Variants in SORCS1 observed in about 807,000 individuals in gnomAD.
The protein encoded by SORCS1 is VPS10 domain-containing receptor SorCS1.
In SORCS1, 60 loss-of-function variants were observed where a neutral mutation model predicts 146.1. That is an observed-to-expected ratio of 0.41 (90% CI 0.33 to 0.51). The LOEUF (loss-of-function observed/expected upper bound fraction) is 0.51, where lower values mean the gene tolerates loss of function less well. Among genes scored for constraint, SORCS1 ranks in the 20% least tolerant of loss-of-function variants. The pLI, the probability that SORCS1 is intolerant of heterozygous loss-of-function variation, is 0.21. For synonymous variants in SORCS1, 637 were observed against 584.0 expected (o/e 1.09, Z -1.31); for missense variants, 1,352 against 1,487.6 (o/e 0.91, Z 1.50).
intron 1 of SORCS1, among the ~76,000 whole-genome samples, chr10:106,986,948 T>A (rs1327777987): frequency 6.6e-6 from 1 of 152,240 alleles, no homozygotes; most frequent in African/African-American, 2.4e-5. Flanking sequence ...CTGGGCTATC[T>A]TCAGGTTGGT....
chr10:107,063,770 C>G (rs1261933152), intron 1 of SORCS1, among the ~76,000 whole-genome samples: 1 of 152,170 alleles, frequency 6.6e-6, no homozygotes, highest in African/African-American at 2.4e-5. Flanking sequence ...ATTGTGACAT[C>G]AATCCTTAGC....
chr10:107,064,132 T>C (rs1357549482), intron 1 of SORCS1, among the ~76,000 whole-genome samples: 7 of 152,228 alleles, frequency 4.6e-5, no homozygotes, highest in Admixed American at 6.5e-5. Flanking sequence ...AATTTTCCTT[T>C]TGAAAGGAGT....
intron 2 of SORCS1, among the ~76,000 whole-genome samples, chr10:106,902,367 ATAT>A (rs1375178879): frequency 2.6e-5 from 4 of 152,156 alleles, no homozygotes; most frequent in African/African-American, 7.2e-5. Flanking sequence ...AATTATCAAA[ATAT>A]TATTTATAAT....
chr10:106,838,115 A>C (rs1465802949), intron 2 of SORCS1, among the ~76,000 whole-genome samples: 1 of 152,178 alleles, frequency 6.6e-6, no homozygotes, highest in Non-Finnish European at 1.5e-5. Context: ...TGTGTTACCC[A>C]GTGGACTTCC....
At chr10:106,745,052 A>C (rs1330197837) in intron 5 of SORCS1, among the ~76,000 whole-genome samples, 1 of 152,226 alleles carries the variant, frequency 6.6e-6, no homozygotes, top group Non-Finnish European at 1.5e-5. Context: ...TTAGTAGGTC[A>C]ACAGGGATCC....
intron 1 of SORCS1, among the ~76,000 whole-genome samples, chr10:107,020,712 AC>A (rs1460308335): frequency 6.6e-6 from 1 of 152,132 alleles, no homozygotes; most frequent in Non-Finnish European, 1.5e-5. Flanking sequence ...CAAGAAACAG[AC>A]CTTTCTAAAG....
At chr10:106,875,170 T>C (rs528974988) in intron 2 of SORCS1, among the ~76,000 whole-genome samples, 157 of 152,254 alleles carry the variant, frequency 1.0e-3, no homozygotes, top group African/African-American at 3.6e-3. Context: ...ATGTCTTTGC[T>C]TACTCATAGC....
chr10:107,122,337 C>T (rs980008765), intron 1 of SORCS1, among the ~76,000 whole-genome samples: 7 of 152,176 alleles, frequency 4.6e-5, no homozygotes, highest in Non-Finnish European at 1.0e-4. Flanking sequence ...TTCCTTCCTT[C>T]TTTTCCCATT....
chr10:106,589,150 C>A (rs184487170), intron 24 of SORCS1, among the ~76,000 whole-genome samples: 1 of 152,310 alleles, frequency 6.6e-6, no homozygotes, highest in East Asian at 1.9e-4. Context: ...TCCCACCATC[C>A]AAATTGCAGT....
intron 23 of SORCS1, among the ~76,000 whole-genome samples, chr10:106,604,533 T>G (rs1260883087): frequency 6.6e-6 from 1 of 152,210 alleles, no homozygotes; most frequent in Non-Finnish European, 1.5e-5. Context: ...AGTCCTGGAA[T>G]AGGCTGATAC....
At chr10:106,677,545 T>C (rs1478935325) in intron 12 of SORCS1, 141 bp from the exon 13 acceptor site, 3 of 685,566 alleles carry the variant, frequency 4.4e-6, no homozygotes, top group East Asian at 2.7e-5. Flanking sequence ...AATAAAGCTA[T>C]AGAACAGTTC....
In SORCS1 at chr10:106,866,899, G is replaced by GA. The variant is rs369612396; in HGVS notation, c.627-37227dup. Among the ~76,000 whole-genome samples the GA allele has an allele frequency of 1.6e-3, 243 of 152,304 alleles. 1 individual carries two copies. Among genetic ancestry groups the GA allele is most frequent in the African/African-American group, 5.0e-3 (207 of 41,570 alleles). On this transcript the variant is annotated intron_variant, in intron 2 of 25. Transcript: ENST00000263054. Reference sequence around the variant, plus strand: ...AAGGAACACCCACATGCAGAGATGAGAAAAAACCAATGCAAAGCCTCTCGT... The same window carrying GA: ...AAGGAACACCCACATGCAGAGATGAGAAAAAAACCAATGCAAAGCCTCTCGT...
chr10:106,814,137 C>G (rs1270365107), intron 3 of SORCS1, among the ~76,000 whole-genome samples: 1 of 152,198 alleles, frequency 6.6e-6, no homozygotes, highest in African/African-American at 2.4e-5. Flanking sequence ...GATGTAGAAT[C>G]CTTTTCAGAC....
At position 106,797,270 on chromosome 10, in the gene SORCS1, T is replaced by A. The variant is rs117123363; in HGVS notation, c.727-20578A>T. Among the ~76,000 whole-genome samples, 634 of 152,286 alleles carry A rather than the reference T, an allele frequency of 4.2e-3. 2 individuals are homozygous for A. The highest frequency in any genetic ancestry group is 7.7e-3 in the Non-Finnish European group (523 of 68,014). The stretch of plus-strand genomic sequence containing the variant: ...GGCTCTTTTTATCTGCATCAAAGTG[T>A]TTCAAAAACCTCTGAGCATTTTGGA... On this transcript the variant is annotated intron_variant, in intron 3 of 25. Transcript: ENST00000263054.
intron 1 of SORCS1, among the ~76,000 whole-genome samples, chr10:107,076,731 T>C (rs1223625803): frequency 6.6e-6 from 1 of 152,138 alleles, no homozygotes; most frequent in African/African-American, 2.4e-5. Context: ...CCCATTGAGG[T>C]GAACATCATG....
chr10:107,156,184 C>T (rs1365533468), intron 1 of SORCS1, among the ~76,000 whole-genome samples: 6 of 152,084 alleles, frequency 3.9e-5, no homozygotes, highest in Non-Finnish European at 7.3e-5. Context: ...GAGTTCTTTC[C>T]AAAGAAACTC....
chr10:107,147,283 G>A (rs1260895043), intron 1 of SORCS1, among the ~76,000 whole-genome samples: 1 of 152,136 alleles, frequency 6.6e-6, no homozygotes, highest in African/African-American at 2.4e-5. Flanking sequence ...TTTGCAACAT[G>A]GGCGCTGGTT....
intron 24 of SORCS1, among the ~76,000 whole-genome samples, chr10:106,581,523 G>A (rs527741000): frequency 7.9e-5 from 12 of 152,120 alleles, no homozygotes; most frequent in East Asian, 1.9e-4. Context: ...GTACGCTTAC[G>A]TTTGGAAGAC....
intron 6 of SORCS1, among the ~76,000 whole-genome samples, chr10:106,723,644 C>G (rs929123007): frequency 2.6e-5 from 4 of 152,176 alleles, no homozygotes; most frequent in Non-Finnish European, 5.9e-5. Flanking sequence ...ATGTAAACTA[C>G]AAGATATCTA....
Sources: allele counts gnomAD v4.1 joint callset (sites outside exome capture counted in the v4.1 genomes callset), GRCh38; gene constraint gnomAD v4.1.1; transcripts MANE v1.5; gene names NCBI Gene and HGNC (gene_info 2026-07-23, HGNC 2026-07-21).